Variants in LGSN observed in about 807,000 individuals in gnomAD.
LGSN encodes the protein lengsin, lens protein with glutamine synthetase domain, also known as lengsin.
LGSN carries 21 observed loss-of-function variants against 19.5 expected under a neutral mutation model. The ratio of observed to expected loss-of-function variants is 1.07; its 90% CI spans 0.76 to 1.55. LGSN has a LOEUF of 1.55. Among genes scored for constraint, LGSN ranks in the 40% most tolerant of loss-of-function variants. The probability of loss-of-function intolerance (pLI) is 0.00; values close to 1 mark genes in which losing one functional copy is unlikely to be tolerated. For synonymous variants in LGSN, 257 were observed against 215.6 expected (o/e 1.19, Z -1.68); for missense variants, 673 against 608.5 (o/e 1.11, Z -1.12).
the LGSN span, among the ~76,000 whole-genome samples, chr6:63,381,146 G>A: frequency 2.9e-4 from 44 of 152,334 alleles, no homozygotes; most frequent in Non-Finnish European, 5.1e-4. Flanking sequence ...AGGCTGCAGT[G>A]AGTCATAATT....
the LGSN span, among the ~76,000 whole-genome samples, chr6:63,498,629 A>G: frequency 2.1e-4 from 32 of 152,226 alleles, no homozygotes; most frequent in African/African-American, 7.2e-4. Flanking sequence ...TCATGTTATC[A>G]AAGGTAGTGG....
At chr6:63,296,292 C>T (rs976055761) in intron 1 of LGSN, among the ~76,000 whole-genome samples, 87 of 151,672 alleles carry the variant, frequency 5.7e-4, no homozygotes, top group African/African-American at 2.1e-3. Context: ...TAATATGATA[C>T]TTAATATATA....
chr6:63,389,272 C>G, the LGSN span, among the ~76,000 whole-genome samples: 2 of 152,170 alleles, frequency 1.3e-5, no homozygotes, highest in African/African-American at 2.4e-5. Flanking sequence ...ATTTTCTACT[C>G]TCATATTTTC....
the LGSN span, among the ~76,000 whole-genome samples, chr6:63,439,660 C>A: frequency 6.6e-6 from 1 of 152,172 alleles, no homozygotes; most frequent in East Asian, 1.9e-4. Context: ...TTGTCCTCCA[C>A]CTCTTCTCAA....
At chr6:63,307,228 T>C (rs540251570) in intron 1 of LGSN, among the ~76,000 whole-genome samples, 1 of 152,324 alleles carries the variant, frequency 6.6e-6, no homozygotes, top group African/African-American at 2.4e-5. Context: ...GATAAATACA[T>C]TACCATCCTA....
At chr6:63,363,629 G>C in the LGSN span, among the ~76,000 whole-genome samples, 2 of 152,130 alleles carry the variant, frequency 1.3e-5, no homozygotes, top group African/African-American at 4.8e-5. Context: ...ATGAAATGAA[G>C]CAAGAAGAGA....
intron 2 of LGSN, among the ~76,000 whole-genome samples, chr6:63,293,024 G>C (rs573934769): frequency 5.9e-5 from 9 of 152,198 alleles, no homozygotes; most frequent in South Asian, 4.2e-4. Context: ...GTGGGGTAGG[G>C]GGGTAAGGTC....
the LGSN span, among the ~76,000 whole-genome samples, chr6:63,463,228 G>C: frequency 9.9e-5 from 15 of 152,188 alleles, no homozygotes; most frequent in Non-Finnish European, 1.9e-4. Context: ...GATTAAATGA[G>C]TGAATATATG....
the LGSN span, among the ~76,000 whole-genome samples, chr6:63,552,427 G>A: frequency 9.2e-5 from 14 of 152,150 alleles, no homozygotes. Context: ...GTAGATTCTA[G>A]ATATTAGCCC....
the LGSN span, among the ~76,000 whole-genome samples, chr6:63,327,856 T>C: frequency 6.6e-6 from 1 of 152,184 alleles, no homozygotes; most frequent in Non-Finnish European, 1.5e-5. Context: ...CAGCCGCTTA[T>C]GCTGCTGTTC....
the LGSN span, among the ~76,000 whole-genome samples, chr6:63,423,762 G>T: frequency 6.6e-6 from 1 of 152,112 alleles, no homozygotes; most frequent in African/African-American, 2.4e-5. Flanking sequence ...AACTGACCAG[G>T]CATGATGGCT....
chr6:63,331,062 C>T, the LGSN span, among the ~76,000 whole-genome samples: 741 of 152,288 alleles, frequency 4.9e-3, 1 homozygote, highest in African/African-American at 0.016. Flanking sequence ...TTAAAGGGGA[C>T]ATAACCGATA....
At chr6:63,331,163 G>A in the LGSN span, among the ~76,000 whole-genome samples, 1 of 152,198 alleles carries the variant, frequency 6.6e-6, no homozygotes. Context: ...TTAATAGGAA[G>A]GGGAGCTACA....
chr6:63,407,209 G>T, the LGSN span, among the ~76,000 whole-genome samples: 1 of 151,714 alleles, frequency 6.6e-6, no homozygotes, highest in African/African-American at 2.4e-5. Flanking sequence ...TACCAAAGCC[G>T]GGCAGAGACA....
At chr6:63,427,084 T>C in the LGSN span, among the ~76,000 whole-genome samples, 1 of 151,300 alleles carries the variant, frequency 6.6e-6, no homozygotes, top group Non-Finnish European at 1.5e-5. Context: ...GTTTCTGTTC[T>C]TGTTACCCAG....
chr6:63,328,646 C>A, the LGSN span, among the ~76,000 whole-genome samples: 1 of 152,218 alleles, frequency 6.6e-6, no homozygotes, highest in Non-Finnish European at 1.5e-5. Flanking sequence ...GGTTGTCCCA[C>A]GAGTCTGAGT....
At chr6:63,442,328 A>G in the LGSN span, among the ~76,000 whole-genome samples, 1 of 152,166 alleles carries the variant, frequency 6.6e-6, no homozygotes, top group African/African-American at 2.4e-5. Context: ...CACAGCACAA[A>G]AGGGGACCTG....
the LGSN span, among the ~76,000 whole-genome samples, chr6:63,447,959 A>C: frequency 2.0e-5 from 3 of 152,216 alleles, no homozygotes; most frequent in Admixed American, 1.3e-4. Flanking sequence ...AAGAAACTCA[A>C]AGAGCCTAGT....
At chr6:63,457,105 A>C in the LGSN span, among the ~76,000 whole-genome samples, 28 of 152,308 alleles carry the variant, frequency 1.8e-4, no homozygotes, top group African/African-American at 4.8e-4. Context: ...GATATTTTAA[A>C]TGCCTAACAA....
Sources: gnomAD v4.1 joint callset for allele counts (sites outside exome capture counted in the v4.1 genomes callset) on GRCh38, gnomAD v4.1.1 for gene constraint, MANE v1.5 for transcripts, NCBI Gene and HGNC (gene_info 2026-07-23, HGNC 2026-07-21) for gene names.